RANBP2: variants seen among roughly 807,000 people sequenced by gnomAD.
The protein encoded by RANBP2 is E3 SUMO-protein ligase RanBP2.
Under a neutral mutation model 303.6 loss-of-function variants are expected in RANBP2, and 57 were observed. The ratio of observed to expected loss-of-function variants is 0.19; its 90% confidence interval spans 0.15 to 0.23. The LOEUF is 0.23. RANBP2 is among the 10% of genes least tolerant of loss of function. RANBP2 has a pLI of 1.00. For synonymous variants in RANBP2, 1,167 were observed against 1,301.5 expected, an observed-to-expected ratio of 0.90 and a Z score of 2.23; for missense variants, 3,138 against 3,780.8, an observed-to-expected ratio of 0.83 and a Z score of 4.46.
chr2:109,258,053 C>T, the RANBP2 span, among the ~76,000 whole-genome samples: 2 of 152,188 alleles, frequency 1.3e-5, no homozygotes, highest in Non-Finnish European at 2.9e-5. Context: ...TGCTGACCCT[C>T]ACAGCCCTGC....
chr2:108,928,236 C>T, the RANBP2 span, among the ~76,000 whole-genome samples: 4 of 152,278 alleles, frequency 2.6e-5, no homozygotes, highest in East Asian at 3.9e-4. Flanking sequence ...TGAACTCTGG[C>T]GTCGGCATCT....
the RANBP2 span, among the ~76,000 whole-genome samples, chr2:109,057,184 A>C: frequency 6.6e-6 from 1 of 152,168 alleles, no homozygotes; most frequent in African/African-American, 2.4e-5. Flanking sequence ...ATGCATAATA[A>C]GATCTAATTA....
At chr2:109,390,056 C>T in the RANBP2 span, among the ~76,000 whole-genome samples, 1 of 152,146 alleles carries the variant, frequency 6.6e-6, no homozygotes, top group Non-Finnish European at 1.5e-5. Context: ...CAGAAATCCA[C>T]GTGCAGCACA....
the RANBP2 span, among the ~76,000 whole-genome samples, chr2:109,659,779 G>C: frequency 2.6e-5 from 4 of 152,320 alleles, no homozygotes; most frequent in East Asian, 7.7e-4. Context: ...TAGGCCCCCA[G>C]CCTACGATTC....
chr2:109,305,519 C>T, the RANBP2 span, among the ~76,000 whole-genome samples: 91 of 152,282 alleles, frequency 6.0e-4, no homozygotes, highest in African/African-American at 1.8e-3. Flanking sequence ...ACTTCCCACT[C>T]TGGGCGCAGA....
At chr2:109,501,386 A>G in the RANBP2 span, 6 of 560,828 alleles carry the variant, frequency 1.1e-5, no homozygotes, top group Admixed American at 1.8e-4. Context: ...TAGAAATTGT[A>G]TAAAGTGGGA....
the RANBP2 span, among the ~76,000 whole-genome samples, chr2:109,010,058 A>G: frequency 1.3e-5 from 2 of 152,196 alleles, no homozygotes; most frequent in Non-Finnish European, 2.9e-5. Flanking sequence ...CTAAGTTTGT[A>G]CATTGTAAAT....
At chr2:109,502,189 C>T in the RANBP2 span, 1 of 152,434 alleles carries the variant, frequency 6.6e-6, no homozygotes, top group Non-Finnish European at 1.5e-5. Context: ...GTTTGTGAGG[C>T]CCTGGGGGTG....
the RANBP2 span, among the ~76,000 whole-genome samples, chr2:109,737,981 A>T: frequency 6.6e-6 from 1 of 152,072 alleles, no homozygotes; most frequent in Non-Finnish European, 1.5e-5. Flanking sequence ...CTGGATATTA[A>T]TCCCTTGTCA....
At chr2:109,464,991 C>G in the RANBP2 span, among the ~76,000 whole-genome samples, 2 of 152,212 alleles carry the variant, frequency 1.3e-5, no homozygotes, top group African/African-American at 4.8e-5. Flanking sequence ...TCACATCTAA[C>G]TCCTGGCAAC....
the RANBP2 span, among the ~76,000 whole-genome samples, chr2:109,623,559 G>A: frequency 3.3e-5 from 5 of 152,330 alleles, no homozygotes; most frequent in African/African-American, 1.2e-4. Flanking sequence ...GAGTGACCCC[G>A]ATGGATGGCT....
the RANBP2 span, among the ~76,000 whole-genome samples, chr2:109,584,497 A>AT: frequency 6.6e-6 from 1 of 150,766 alleles, no homozygotes; most frequent in Non-Finnish European, 1.5e-5. Flanking sequence ...AAAAAAAAAA[A>AT]TTGAAACACA....
At chr2:109,615,075 A>G in the RANBP2 span, 1 of 1,549,358 alleles carries the variant, frequency 6.5e-7, no homozygotes, top group Non-Finnish European at 8.7e-7. Context: ...TGTGGGGGCT[A>G]CCGCACAGAG....
At chr2:108,724,171 T>C (rs1462779469) in intron 1 of RANBP2, among the ~76,000 whole-genome samples, 5 of 152,160 alleles carry the variant, frequency 3.3e-5, no homozygotes, top group Non-Finnish European at 7.3e-5. Flanking sequence ...TGTTTGTTTG[T>C]TTTTGTTTTG....
At chr2:109,699,929 C>A in the RANBP2 span, among the ~76,000 whole-genome samples, 1 of 152,168 alleles carries the variant, frequency 6.6e-6, no homozygotes, top group African/African-American at 2.4e-5. Flanking sequence ...TGTTTCTCTT[C>A]TCTCAGGATT....
chr2:108,867,796 C>T, the RANBP2 span, among the ~76,000 whole-genome samples: 2 of 152,100 alleles, frequency 1.3e-5, no homozygotes, highest in Admixed American at 6.5e-5. Context: ...TTGAATGTTG[C>T]TGTGTTATGT....
chr2:108,733,073 C>G (rs1197359700), intron 4 of RANBP2, among the ~76,000 whole-genome samples: 1 of 152,084 alleles, frequency 6.6e-6, no homozygotes, highest in Non-Finnish European at 1.5e-5. Flanking sequence ...ATCTGCCTGC[C>G]CCAGCCTCCC....
chr2:109,044,651 T>C, the RANBP2 span, among the ~76,000 whole-genome samples: 6 of 152,164 alleles, frequency 3.9e-5, no homozygotes, highest in Non-Finnish European at 8.8e-5. Context: ...TATAGAGTGG[T>C]AGAATCTAAA....
the RANBP2 span, among the ~76,000 whole-genome samples, chr2:109,186,583 C>T: frequency 1.3e-5 from 2 of 152,218 alleles, no homozygotes; most frequent in Admixed American, 1.3e-4. Flanking sequence ...AAACAAATAA[C>T]CTCCTGCCCC....
Sources: allele counts gnomAD v4.1 joint callset (sites outside exome capture counted in the v4.1 genomes callset), GRCh38; gene constraint gnomAD v4.1.1; transcripts MANE v1.5; gene names NCBI Gene and HGNC (gene_info 2026-07-23, HGNC 2026-07-21).